The following MRE11 variants were observed in gnomAD, a reference collection of about 807,000 sequenced individuals.
MRE11 encodes MRE11 double strand break repair nuclease, also known as double-strand break repair protein MRE11.
MRE11 carries 62 observed loss-of-function variants against 91.7 expected under a neutral mutation model. The observed-to-expected ratio is 0.68, with a 90% CI of 0.55 to 0.84. MRE11 has a LOEUF of 0.84. Ranked by LOEUF, MRE11 falls within the 40% of genes least tolerant of loss-of-function variation. The probability of loss-of-function intolerance (pLI) is 0.00; values close to 1 mark genes in which losing one functional copy is unlikely to be tolerated. For synonymous variants in MRE11, 273 were observed against 271.4 expected (o/e 1.01, Z -0.06); for missense variants, 796 against 852.9 (o/e 0.93, Z 0.83).
intron 2 of MRE11, 167 bp downstream of exon 2, chr11:94,492,615 G>A (rs1565243183): frequency 8.1e-7 from 1 of 1,231,370 alleles, no homozygotes; most frequent in South Asian, 1.3e-5. Context: ...TTAACAAACA[G>A]ATAAATATTT....
At chr11:94,477,261 AGT>A (rs1946886888) in intron 6 of MRE11, among the ~76,000 whole-genome samples, 1 of 152,210 alleles carries the variant, frequency 6.6e-6, no homozygotes, top group Non-Finnish European at 1.5e-5. Flanking sequence ...GGATGATAAA[AGT>A]GTATTTAAAA....
intron 19 of MRE11, among the ~76,000 whole-genome samples, chr11:94,421,943 C>G (rs1945182011): frequency 6.6e-6 from 1 of 152,070 alleles, no homozygotes. Flanking sequence ...TATAGATTTT[C>G]AGTTTTGCAA....
In MRE11 at chr11:94,447,214, C is replaced by T. The variant is rs142082313; in HGVS notation, c.1783+5G>A. 1 of 1,611,416 alleles carries T rather than the reference C, an allele frequency of 6.2e-7. No individual in the cohort carries two copies. The highest frequency in any genetic ancestry group is 8.5e-7 in the Non-Finnish European group (1 of 1,179,888). On this transcript the variant is annotated splice_donor_5th_base_variant and intron_variant, in intron 15 of 19. Coordinates refer to ENST00000323929, the MANE Select transcript of MRE11 (RefSeq NM_005591.4). ...AATGTGCACAGGACTGAACTCAGTG[C>T]TCACCTCTTCCTCTTTGAGACCCTC...
chr11:94,499,732 A>G, the MRE11 span: 1 of 152,104 alleles, frequency 6.6e-6, no homozygotes, highest in African/African-American at 2.4e-5. Context: ...GATTGTTCCC[A>G]AAGTTTTGTC....
intron 14 of MRE11, among the ~76,000 whole-genome samples, chr11:94,451,780 T>G (rs143240686): frequency 6.6e-6 from 1 of 152,314 alleles, no homozygotes; most frequent in East Asian, 1.9e-4. Flanking sequence ...AGCTGATGAA[T>G]AAGTGGATAC....
rs138870646 is a variant in MRE11, at chr11:94,443,207, C to A, written c.1867+2603G>T. 6.6e-5 allele frequency among the ~76,000 whole-genome samples: 10 copies of A among 152,230 alleles called. No homozygotes were observed. The East Asian group carries it at 1.9e-3, about 29-fold the overall frequency. On this transcript the variant is annotated intron_variant, in intron 16 of 19. Transcript: ENST00000323929. ...ATTACATAGGTTATTCTGCATAATG[C>A]AAAAATTATTCTATGGAGAACTAGT...
chr11:94,478,585 T>C (rs1233813915), intron 6 of MRE11, 150 bp downstream of exon 6: 5 of 941,376 alleles, frequency 5.3e-6, no homozygotes, highest in Non-Finnish European at 7.7e-6. Flanking sequence ...ACCAAAAATT[T>C]TTACCAAAAC....
Position 94,485,929 on chromosome 11 carries a change from A to T in MRE11, c.309T>A (p.Phe103Leu). 1 of 1,612,664 alleles carries T rather than the reference A, an allele frequency of 6.2e-7. No individual in the cohort carries two copies. The highest frequency in any genetic ancestry group is 8.5e-7 in the Non-Finnish European group (1 of 1,179,872). ...AAGTAAATAAATATACTTACTTACT[A>T]AAACCAAAGTTGACTGACTGATCAC... is the stretch of plus-strand genomic sequence containing the variant. Reference protein sequence around the residue: ...ILSDQSVNFGFSKFPWVNYQD... With the variant: ...ILSDQSVNFGLSKFPWVNYQD... The change falls in exon 4 of 20, where the codon TTT (phenylalanine) becomes TTA (leucine). Residue 103 changes from phenylalanine (F) to leucine (L), a missense_variant. Physicochemically the swap from Phe to Leu is conservative, Grantham distance 22. Transcript: ENST00000323929.
rs1273719066 is a variant in MRE11, at chr11:94,417,136, C to G, written c.*2989G>C. The G allele has an allele frequency of 6.3e-6, 1 of 159,986 alleles. No homozygotes were observed. Among genetic ancestry groups the G allele is most frequent in the African/African-American group, 2.4e-5 (1 of 41,704 alleles). 9.9% of individuals were successfully genotyped at this position (159,986 alleles called of 1,614,324 possible). On this transcript the variant is annotated 3_prime_UTR_variant, in exon 20 of 20. Coordinates refer to ENST00000323929, the MANE Select transcript of MRE11 (RefSeq NM_005591.4). ...AGATTACAGGCACACACCACCATGCCCAGCTAATCTTTTGTATTTTTAGTA... is the reference window on the plus strand; with the variant it reads ...AGATTACAGGCACACACCACCATGCGCAGCTAATCTTTTGTATTTTTAGTA...
upstream of MRE11, chr11:94,496,893 A>G (rs1241778754): frequency 6.2e-7 from 1 of 1,608,752 alleles, no homozygotes; most frequent in African/African-American, 1.3e-5. Context: ...CGATTGCAAG[A>G]AAAAAAAATG....
chr11:94,420,567 T>C (rs1052329915), intron 19 of MRE11, among the ~76,000 whole-genome samples: 9 of 152,164 alleles, frequency 5.9e-5, no homozygotes, highest in Non-Finnish European at 2.9e-5. Context: ...AGCGAAAAAA[T>C]AATGAAGCCA....
intron 4 of MRE11, among the ~76,000 whole-genome samples, chr11:94,482,763 G>A (rs112174098): frequency 0.01 from 1,529 of 152,088 alleles, 27 homozygotes; most frequent in African/African-American, 0.035. Flanking sequence ...GTGAAACCCC[G>A]TCTCTACTAA....
upstream of MRE11, among the ~76,000 whole-genome samples, chr11:94,495,636 T>C (rs911279940): frequency 2.6e-5 from 4 of 152,238 alleles, no homozygotes; most frequent in Admixed American, 2.6e-4. Flanking sequence ...AAGGTTTATA[T>C]GTTGTGTAAC....
chr11:94,478,901 G>C (rs1946944205), intron 5 of MRE11, 25 bp from the exon 6 acceptor site: 1 of 1,611,730 alleles, frequency 6.2e-7, no homozygotes, highest in East Asian at 2.2e-5. Flanking sequence ...TTCAAAGAAT[G>C]TTAGTGTGTA....
chr11:94,481,265 C>T (rs1263606489), intron 4 of MRE11, among the ~76,000 whole-genome samples: 2 of 151,880 alleles, frequency 1.3e-5, no homozygotes, highest in East Asian at 1.9e-4. Context: ...GCCGAGATCG[C>T]GCCACTGCTC....
At chr11:94,479,826 C>T (rs2135092836) in intron 4 of MRE11, 65 bp from the exon 5 acceptor site, 3 of 1,303,046 alleles carry the variant, frequency 2.3e-6, no homozygotes, top group Non-Finnish European at 3.3e-6. Context: ...TAAGATTCTC[C>T]TCCAAAATAT....
In MRE11 at chr11:94,485,924, T is replaced by G. The variant is rs1025272236; in HGVS notation, c.314A>C (p.Lys105Thr). The change falls in exon 4 of 20, where the codon AAG becomes ACG. Residue 105 changes from lysine (K) to threonine (T), a missense_variant and splice_region_variant. Physicochemically the swap from Lys to Thr is moderately conservative, Grantham distance 78. Transcript: ENST00000323929. The part of the protein sequence containing the change: ...SDQSVNFGFS[K>T]FPWVNYQDGN... ...CACTCAAGTAAATAAATATACTTAC[T>G]TACTAAAACCAAAGTTGACTGACTG... is the stretch of plus-strand genomic sequence containing the variant. The G allele has an allele frequency of 5.0e-6, 8 of 1,612,352 alleles. No individual in the cohort carries two copies. Among genetic ancestry groups the G allele is most frequent in the Non-Finnish European group, 6.8e-6 (8 of 1,179,790 alleles).
intron 17 of MRE11, 109 bp from the exon 18 acceptor site, chr11:94,436,008 C>T (rs1474863148): frequency 1.0e-6 from 1 of 990,460 alleles, no homozygotes; most frequent in Non-Finnish European, 1.6e-6. Flanking sequence ...ATATGAGCCA[C>T]AAAAAAGGAG....
intron 11 of MRE11, among the ~76,000 whole-genome samples, chr11:94,463,750 G>C (rs980206338): frequency 2.0e-5 from 3 of 150,984 alleles, no homozygotes; most frequent in African/African-American, 7.3e-5. Flanking sequence ...TTGGACACAG[G>C]GCAGGGAACA....
Sources: allele counts gnomAD v4.1 joint callset (sites outside exome capture counted in the v4.1 genomes callset), GRCh38; gene constraint gnomAD v4.1.1; transcripts MANE v1.5; gene names NCBI Gene and HGNC (gene_info 2026-07-23, HGNC 2026-07-21).